MTOR: variants seen among roughly 807,000 people sequenced by gnomAD.
MTOR encodes the protein serine/threonine-protein kinase mTOR.
MTOR carries 70 observed loss-of-function variants against 319.8 expected under a neutral mutation model. The ratio of observed to expected loss-of-function variants is 0.22; its 90% confidence interval spans 0.18 to 0.27. The LOEUF (loss-of-function observed/expected upper bound fraction) is 0.27. MTOR is among the 10% of genes least tolerant of loss of function. The pLI is 1.00. For synonymous variants in MTOR, 1,183 were observed against 1,211.4 expected, an observed-to-expected ratio of 0.98 and a Z score of 0.49; for missense variants, 1,890 against 3,274.4, an observed-to-expected ratio of 0.58 and a Z score of 10.32.
intron 19 of MTOR, among the ~76,000 whole-genome samples, chr1:11,228,360 TG>T (rs1646913971): frequency 6.6e-6 from 1 of 152,096 alleles, no homozygotes; most frequent in Non-Finnish European, 1.5e-5. Flanking sequence ...GGCTAATTTT[TG>T]TATTTTTAGT....
At chr1:11,242,937 T>C (rs1648276595) in intron 9 of MTOR, among the ~76,000 whole-genome samples, 177 bp downstream of exon 9, 1 of 152,240 alleles carries the variant, frequency 6.6e-6, no homozygotes, top group Non-Finnish European at 1.5e-5. Context: ...TCATATATGT[T>C]ATTTCATTTG....
At chr1:11,257,380 C>CAAAAAAAAAAA (rs1006118528) in intron 3 of MTOR, among the ~76,000 whole-genome samples, 6 of 36,614 alleles carry the variant, frequency 1.6e-4, no homozygotes, top group Middle Eastern at 0.022. Context: ...TACTAAGATA[C>CAAAAAAAAAAA]AAAAAAAAAA....
At chr1:11,229,534 C>T (rs1646951209) in intron 18 of MTOR, among the ~76,000 whole-genome samples, 1 of 152,170 alleles carries the variant, frequency 6.6e-6, no homozygotes, top group African/African-American at 2.4e-5. Context: ...TGGCTCAGGC[C>T]CTGCTCTCAA....
At position 11,128,257 on chromosome 1, in the gene MTOR, G is replaced by T. The variant is rs1642944747; in HGVS notation, c.5911-131C>A. The T allele has an allele frequency of 7.2e-7, 1 of 1,392,860 alleles. No individual in the cohort carries two copies. The highest frequency in any genetic ancestry group is 9.8e-7 in the Non-Finnish European group (1 of 1,016,484). The allele number at this position is 1,392,860 out of a possible 1,614,324, so 86.3% of individuals were successfully genotyped here. A position where few individuals can be genotyped will look rare whatever the true frequency, so the allele number is the denominator to read the frequency against. ...CATCTGCTTGAGACTACCAGGAAGG[G>T]GCTCAGTCTTCGAGGGAACGCTTTC... On this transcript the variant is annotated intron_variant, in intron 42 of 57. Transcript: ENST00000361445. This position sits in a 1 kb window ranked among gnomAD's most constrained non-coding sequence, Gnocchi z 5.3.
At chr1:11,113,096 C>T (rs1641980015) in intron 53 of MTOR, among the ~76,000 whole-genome samples, 179 bp from the exon 54 acceptor site, 1 of 152,084 alleles carries the variant, frequency 6.6e-6, no homozygotes, top group African/African-American at 2.4e-5. Flanking sequence ...ATGTGAAACC[C>T]AGGGGGACAC....
intron 28 of MTOR, among the ~76,000 whole-genome samples, chr1:11,177,948 C>A (rs952916454): frequency 6.6e-6 from 1 of 151,614 alleles, no homozygotes; most frequent in Non-Finnish European, 1.5e-5. Context: ...TTTATACATA[C>A]TGGTGATGAA....
intron 28 of MTOR, chr1:11,189,455 A>G (rs1211127611): frequency 1.7e-6 from 2 of 1,178,864 alleles, no homozygotes; most frequent in African/African-American, 3.1e-5. Flanking sequence ...AGAAAACAAC[A>G]AAGTGGCGAG....
In MTOR at chr1:11,205,317, A is replaced by G. The variant is rs543190194; in HGVS notation, c.3802-614T>C. The stretch of plus-strand genomic sequence containing the variant: ...TGGAAAGGCTGAGGTTTTGGAGAAC[A>G]GTATAGTGTAGTGGGCAACAGCTAC... On this transcript the variant is annotated intron_variant, in intron 25 of 57. Transcript: ENST00000361445. Among the ~76,000 whole-genome samples the G allele has an allele frequency of 2.5e-3, 386 of 152,336 alleles. 3 individuals carry two copies. The highest frequency in any genetic ancestry group is 4.3e-3 in the Non-Finnish European group (294 of 68,028).
chr1:11,206,723 A>G (rs928112566), intron 25 of MTOR, among the ~76,000 whole-genome samples: 3 of 152,150 alleles, frequency 2.0e-5, no homozygotes, highest in East Asian at 3.9e-4. Flanking sequence ...TCTGGGTTCT[A>G]TAACAACTGT....
chr1:11,161,844 C>T (rs1000102236), intron 29 of MTOR, among the ~76,000 whole-genome samples: 1 of 152,168 alleles, frequency 6.6e-6, no homozygotes, highest in African/African-American at 2.4e-5. Context: ...GAAACCAGAG[C>T]AGAAAAGCTG....
intron 47 of MTOR, among the ~76,000 whole-genome samples, chr1:11,123,949 A>G (rs1367757016): frequency 2.6e-5 from 4 of 152,038 alleles, no homozygotes; most frequent in Non-Finnish European, 5.9e-5. Context: ...CACCACGCCC[A>G]GCTAATTTTT....
chr1:11,193,706 T>C, intron 28 of MTOR: 2 of 1,614,130 alleles, frequency 1.2e-6, no homozygotes, highest in Non-Finnish European at 1.7e-6. Context: ...CCGTGGGGAC[T>C]TCTGGCTGGG....
intron 31 of MTOR, among the ~76,000 whole-genome samples, chr1:11,149,750 G>A (rs1375262129): frequency 6.6e-6 from 1 of 152,114 alleles, no homozygotes; most frequent in Admixed American, 6.5e-5. Flanking sequence ...AGTAGATAGG[G>A]TCAGAAATGA....
Position 11,128,583 on chromosome 1 carries a change from T to C in MTOR, c.5812-31A>G, listed in dbSNP as rs767263720. On this transcript the variant is annotated intron_variant, in intron 41 of 57. Transcript: ENST00000361445. The surrounding 1 kb of genome is among the most constrained non-coding windows in gnomAD (Gnocchi z 5.3). ...ATTCAAAAAGACACAGTATGTAGCA[T>C]ATGAGACTTGAAACAACTAGTTATT... The C allele has an allele frequency of 2.8e-5, 45 of 1,589,262 alleles. No individual in the cohort carries two copies. Among genetic ancestry groups the C allele is most frequent in the Non-Finnish European group, 3.8e-5 (44 of 1,157,840 alleles).
chr1:11,225,834 A>C (rs545563955), intron 19 of MTOR, among the ~76,000 whole-genome samples: 4 of 152,352 alleles, frequency 2.6e-5, no homozygotes, highest in African/African-American at 4.8e-5. Flanking sequence ...AATGTAAGAG[A>C]ACAGTGTGAA....
intron 53 of MTOR, among the ~76,000 whole-genome samples, chr1:11,113,966 C>T (rs1642027927): frequency 6.6e-6 from 1 of 152,050 alleles, no homozygotes; most frequent in Admixed American, 6.6e-5. Context: ...GCTTTTCTCC[C>T]CTTCACTCTG....
rs772949433 is a variant in MTOR at position 11,247,710 on chromosome 1, G to C, written c.1140C>G (p.Cys380Trp). 1 of 1,614,150 alleles carries C rather than the reference G, an allele frequency of 6.2e-7. No individual in the cohort carries two copies. The highest frequency in any genetic ancestry group is 8.5e-7 in the Non-Finnish European group (1 of 1,180,028). The part of the protein sequence containing the change: ...FDQVCQWVLK[C>W]RNSKNSLIQM... Reference sequence around the variant, plus strand: ...GGATCAGCGAGTTCTTGCTATTCCTGCATTTCAGCACCCACTGGCACACCT... The same window carrying C: ...GGATCAGCGAGTTCTTGCTATTCCTCCATTTCAGCACCCACTGGCACACCT... Residue 380 changes from cysteine (C) to tryptophan (W), a missense_variant, in exon 8 of 58, where the codon TGC becomes TGG. Physicochemically the swap from Cys to Trp is radical, Grantham distance 215 (BLOSUM62 -2). Around this residue, in one of 15 missense-constraint regions of MTOR, gnomAD observed 418 missense variants for 543.1 expected, o/e 0.77. Transcript: ENST00000361445.
chr1:11,250,087 G>A (rs1306228997), intron 6 of MTOR, among the ~76,000 whole-genome samples: 15 of 147,610 alleles, frequency 1.0e-4, no homozygotes, highest in African/African-American at 2.7e-4. Flanking sequence ...GCGGCTGGCC[G>A]GGCAGAGGGG....
intron 28 of MTOR, among the ~76,000 whole-genome samples, chr1:11,191,686 T>A (rs1645537082): frequency 6.6e-6 from 1 of 152,208 alleles, no homozygotes; most frequent in Non-Finnish European, 1.5e-5. Flanking sequence ...ACAAAACTTC[T>A]GGGAGGAAGG....
Sources: gnomAD v4.1 joint callset for allele counts (sites outside exome capture counted in the v4.1 genomes callset) on GRCh38, gnomAD v4.1.1 for gene constraint, gnomAD v4.1.1 regional missense constraint, Gnocchi (gnomAD v3.1) non-coding constraint, MANE v1.5 for transcripts, NCBI Gene and HGNC (gene_info 2026-07-23, HGNC 2026-07-21) for gene names.